KIZ: variants seen among roughly 807,000 people sequenced by gnomAD.
KIZ encodes the protein kizuna centrosomal protein, also known as centrosomal protein kizuna.
A neutral mutation model predicts 79.6 loss-of-function variants in KIZ; 68 were observed. The ratio of observed to expected loss-of-function variants is 0.85; its 90% CI spans 0.70 to 1.05. The LOEUF is 1.05. Ranked by LOEUF, KIZ falls within the 50% of genes least tolerant of loss-of-function variation. KIZ has a pLI of 0.00. For missense variants in KIZ, 797 were observed against 800.4 expected (o/e 1.00, Z 0.05); for synonymous variants, 280 against 281.8 (o/e 0.99, Z 0.06).
chr20:21,210,941 G>GTAATATTATT (rs142523555), intron 7 of KIZ, among the ~76,000 whole-genome samples: 3,177 of 152,122 alleles, frequency 0.021, 98 homozygotes, highest in African/African-American at 0.068. Context: ...TATTAGGTTA[G>GTAATATTATT]TAATATTATT....
At position 21,131,890 on chromosome 20, in the gene KIZ, T is replaced by C. The variant is rs2031868961; in HGVS notation, c.90-207T>C. On this transcript the variant is annotated intron_variant, in intron 1 of 12. Coordinates refer to ENST00000619189, the MANE Select transcript of KIZ (RefSeq NM_018474.6). ...TTTCCCTGGCGACTGCTGCATACTTTTGTGCCTTTTGTTTTAGATGCGTCT... is the reference window on the plus strand; with the variant it reads ...TTTCCCTGGCGACTGCTGCATACTTCTGTGCCTTTTGTTTTAGATGCGTCT... The C allele has an allele frequency of 9.9e-6, 4 of 404,584 alleles. 1 individual carries two copies. In the South Asian group the frequency reaches 1.4e-4, roughly 15 times the overall value. The allele number at this position is 404,584 out of a possible 1,614,324, so 25.1% of individuals were successfully genotyped here. A position where few individuals can be genotyped will look rare whatever the true frequency, so the allele number is the denominator to read the frequency against.
chr20:21,183,124 G>A (rs577838294), intron 6 of KIZ, among the ~76,000 whole-genome samples: 2 of 152,352 alleles, frequency 1.3e-5, no homozygotes, highest in South Asian at 2.1e-4. Context: ...GTTAGTAGAT[G>A]CAGAGAACAG....
At chr20:21,143,562 G>A (rs568837995) in intron 3 of KIZ, among the ~76,000 whole-genome samples, 17 of 152,298 alleles carry the variant, frequency 1.1e-4, no homozygotes, top group African/African-American at 4.1e-4. Context: ...TAAATTACAT[G>A]TGCATACTGA....
At chr20:21,237,798 C>T (rs1224115483) in intron 11 of KIZ, among the ~76,000 whole-genome samples, 1 of 152,126 alleles carries the variant, frequency 6.6e-6, no homozygotes, top group Non-Finnish European at 1.5e-5. Flanking sequence ...TTTCCCAGTA[C>T]CCTCCCTCCC....
At chr20:21,171,874 G>A (rs2034220471) in intron 6 of KIZ, among the ~76,000 whole-genome samples, 1 of 152,368 alleles carries the variant, frequency 6.6e-6, no homozygotes, top group East Asian at 1.9e-4. Context: ...AGGCAGCTGT[G>A]CTGAAGAAAT....
chr20:21,214,764 A>C, intron 8 of KIZ, 64 bp downstream of exon 8: 261 of 1,023,042 alleles, frequency 2.6e-4, no homozygotes, highest in Non-Finnish European at 3.4e-4. Context: ...CATCTTTCTC[A>C]AGGTACACCT....
intron 12 of KIZ, chr20:21,245,562 G>A (rs765754468): frequency 6.6e-6 from 1 of 152,320 alleles, no homozygotes; most frequent in Non-Finnish European, 1.5e-5. Context: ...CCATGCAGGT[G>A]TCAGCAGAGT....
At chr20:21,232,605 T>C (rs2036870024) in intron 10 of KIZ, 129 bp from the exon 11 acceptor site, 3 of 602,524 alleles carry the variant, frequency 5.0e-6, no homozygotes, top group Admixed American at 2.6e-5. Context: ...CCTTGCCTTC[T>C]GTGGCTTGAA....
intron 6 of KIZ, among the ~76,000 whole-genome samples, chr20:21,199,950 C>T (rs2035521444): frequency 6.6e-6 from 1 of 152,164 alleles, no homozygotes; most frequent in South Asian, 2.1e-4. Context: ...TCCTGAGTAG[C>T]TGGGACTACA....
Position 21,190,676 on chromosome 20 carries a change from T to C in KIZ, c.1353-14815T>C, listed in dbSNP as rs1414944294. Among the ~76,000 whole-genome samples, 3 of 152,248 alleles carry C rather than the reference T, an allele frequency of 2.0e-5. No individual in the cohort carries two copies. The East Asian group carries it at 5.8e-4, about 29-fold the overall frequency. On this transcript the variant is annotated intron_variant, in intron 6 of 12. Coordinates refer to ENST00000619189, the MANE Select transcript of KIZ (RefSeq NM_018474.6). ...GTACTTGGATGCATTCTTCTACATC[T>C]GTTTCAAGTAAAAATTTTCATGGGT...
intron 11 of KIZ, among the ~76,000 whole-genome samples, chr20:21,234,112 C>T (rs1484199676): frequency 6.6e-6 from 1 of 152,110 alleles, no homozygotes; most frequent in Non-Finnish European, 1.5e-5. Context: ...CTCACTTCTT[C>T]CTAAACAGTC....
intron 11 of KIZ, 83 bp from the exon 12 acceptor site, chr20:21,244,159 GCTT>G (rs2037313664): frequency 1.1e-6 from 1 of 920,072 alleles, no homozygotes; most frequent in African/African-American, 1.7e-5. Context: ...GAATCAAAGT[GCTT>G]CTTCTCTAAT....
intron 6 of KIZ, among the ~76,000 whole-genome samples, chr20:21,172,760 G>A (rs1488786408): frequency 6.6e-6 from 1 of 152,188 alleles, no homozygotes; most frequent in Non-Finnish European, 1.5e-5. Context: ...ACATTCAGCT[G>A]TGCCCATGCC....
chr20:21,199,769 G>A (rs2035512966), intron 6 of KIZ, among the ~76,000 whole-genome samples: 2 of 152,172 alleles, frequency 1.3e-5, no homozygotes. Context: ...GGTTTGGAGA[G>A]AATGATTTAT....
intron 6 of KIZ, among the ~76,000 whole-genome samples, chr20:21,180,371 G>A (rs940152295): frequency 6.6e-6 from 1 of 151,770 alleles, no homozygotes; most frequent in Non-Finnish European, 1.5e-5. Flanking sequence ...AGTCTCCCAA[G>A]TAAGTGTTAA....
At chr20:21,170,182 A>G (rs1194275071) in intron 6 of KIZ, among the ~76,000 whole-genome samples, 2 of 152,130 alleles carry the variant, frequency 1.3e-5, no homozygotes, top group Non-Finnish European at 2.9e-5. Context: ...AGGTATATGT[A>G]TCTATTTATA....
intron 6 of KIZ, among the ~76,000 whole-genome samples, chr20:21,179,253 G>A (rs2034555232): frequency 6.9e-6 from 1 of 144,324 alleles, no homozygotes; most frequent in Admixed American, 7.0e-5. Flanking sequence ...TACTGATTCA[G>A]TCTCCTTACT....
chr20:21,231,788 C>G (rs1221425310), intron 10 of KIZ, among the ~76,000 whole-genome samples: 1 of 152,094 alleles, frequency 6.6e-6, no homozygotes. Context: ...CTCAAGAAGC[C>G]CACCCCACAT....
At chr20:21,197,836 T>G (rs1053580131) in intron 6 of KIZ, 1 of 152,188 alleles carries the variant, frequency 6.6e-6, no homozygotes, top group African/African-American at 2.4e-5. Context: ...CTTTTTTATT[T>G]TATAGGCTCT....
Sources: allele counts gnomAD v4.1 joint callset (sites outside exome capture counted in the v4.1 genomes callset), GRCh38; gene constraint gnomAD v4.1.1; transcripts MANE v1.5; gene names NCBI Gene and HGNC (gene_info 2026-07-23, HGNC 2026-07-21).